Variants in PCDHGB3 observed in about 807,000 individuals in gnomAD.
PCDHGB3 encodes protocadherin gamma subfamily B, 3, also known as protocadherin gamma-B3.
In PCDHGB3, 40 loss-of-function variants were observed where a neutral mutation model predicts 59.2. The ratio of observed to expected loss-of-function variants is 0.68; its 90% CI spans 0.52 to 0.88. The LOEUF is 0.88. Among genes scored for constraint, PCDHGB3 ranks in the 40% least tolerant of loss-of-function variants. The pLI is 0.00. For missense variants in PCDHGB3, 1,309 were observed against 1,187.9 expected (o/e 1.10, Z -1.50); for synonymous variants, 581 against 503.6 (o/e 1.15, Z -2.06).
chr5:141,437,116 GA>G (rs914218907), intron 1 of PCDHGB3, among the ~76,000 whole-genome samples: 4 of 152,150 alleles, frequency 2.6e-5, no homozygotes, highest in African/African-American at 9.7e-5. Flanking sequence ...GGATTTTTAG[GA>G]CACTTGTTGA....
At chr5:141,451,610 G>T (rs184745360) in intron 1 of PCDHGB3, among the ~76,000 whole-genome samples, 60 of 152,298 alleles carry the variant, frequency 3.9e-4, no homozygotes, top group African/African-American at 1.3e-3. Context: ...GGCTAGGCAT[G>T]GTGGCTCAAA....
intron 1 of PCDHGB3, chr5:141,390,043 C>A (rs1022492557): frequency 1.9e-6 from 3 of 1,613,946 alleles, no homozygotes; most frequent in Non-Finnish European, 2.5e-6. Context: ...TCCAGCCCCG[C>A]CTCCTGGAGC....
chr5:141,466,344 T>G (rs1036472951), intron 1 of PCDHGB3, among the ~76,000 whole-genome samples: 5 of 152,106 alleles, frequency 3.3e-5, no homozygotes, highest in African/African-American at 4.8e-5. Flanking sequence ...ATAATTTTTT[T>G]GCAGCTAATC....
intron 1 of PCDHGB3, chr5:141,398,829 C>T (rs1020690994): frequency 3.1e-6 from 5 of 1,613,876 alleles, no homozygotes; most frequent in African/African-American, 2.7e-5. Context: ...AGGTAACCGA[C>T]GCCAATGATA....
chr5:141,418,945 A>G, intron 1 of PCDHGB3: 3 of 1,614,062 alleles, frequency 1.9e-6, no homozygotes, highest in Non-Finnish European at 2.5e-6. Flanking sequence ...ATTCCCCTCC[A>G]GGAGTGGTTG....
intron 1 of PCDHGB3, among the ~76,000 whole-genome samples, chr5:141,380,254 G>T (rs572849105): frequency 6.6e-6 from 1 of 152,270 alleles, no homozygotes; most frequent in Non-Finnish European, 1.5e-5. Flanking sequence ...TGTCAAAGGG[G>T]AAGGAGTAAA....
At chr5:141,377,813 T>C (rs1254239547) in intron 1 of PCDHGB3, 2 of 152,194 alleles carry the variant, frequency 1.3e-5, no homozygotes, top group African/African-American at 2.4e-5. Flanking sequence ...TGTTATTTAC[T>C]TGGGCCAGTT....
At chr5:141,472,347 C>G (rs992566469) in intron 1 of PCDHGB3, among the ~76,000 whole-genome samples, 11 of 152,028 alleles carry the variant, frequency 7.2e-5, no homozygotes, top group Non-Finnish European at 1.2e-4. Context: ...CGAGACCATC[C>G]TGGCTAACAC....
intron 1 of PCDHGB3, chr5:141,475,890 G>C: frequency 1.8e-6 from 1 of 565,896 alleles, no homozygotes; most frequent in South Asian, 2.3e-5. Flanking sequence ...CTGGGACTCT[G>C]TGTGCCGCTG....
chr5:141,448,426 T>C (rs892222815), intron 1 of PCDHGB3, among the ~76,000 whole-genome samples: 1 of 152,164 alleles, frequency 6.6e-6, no homozygotes, highest in Non-Finnish European at 1.5e-5. Context: ...ATACTATGTA[T>C]ATATTGAGAA....
chr5:141,393,484 G>A, intron 1 of PCDHGB3: 1 of 1,614,058 alleles, frequency 6.2e-7, no homozygotes, highest in Non-Finnish European at 8.5e-7. Context: ...CCTCGCTCTA[G>A]CACAGTGCGC....
At chr5:141,482,611 G>A (rs1016481108) in intron 1 of PCDHGB3, among the ~76,000 whole-genome samples, 3 of 150,398 alleles carry the variant, frequency 2.0e-5, no homozygotes, top group African/African-American at 7.4e-5. Context: ...ACACCTAAAT[G>A]AGCCTGGAGA....
At chr5:141,492,312 C>T (rs1470136040) in intron 1 of PCDHGB3, among the ~76,000 whole-genome samples, 2 of 152,348 alleles carry the variant, frequency 1.3e-5, no homozygotes, top group African/African-American at 4.8e-5. Flanking sequence ...CGCACGCACT[C>T]CTCGCACGTG....
chr5:141,389,144 T>C, intron 1 of PCDHGB3: 1 of 1,614,020 alleles, frequency 6.2e-7, no homozygotes, highest in Non-Finnish European at 8.5e-7. Flanking sequence ...ATATAACCGT[T>C]ACGGCAACAG....
intron 1 of PCDHGB3, chr5:141,389,279 T>C: frequency 6.2e-7 from 1 of 1,614,016 alleles, no homozygotes; most frequent in Non-Finnish European, 8.5e-7. Context: ...ACAACCCGCC[T>C]GGAGCCTCTA....
chr5:141,419,945 T>C (rs2096451536), intron 1 of PCDHGB3: 4 of 1,614,088 alleles, frequency 2.5e-6, no homozygotes, highest in Middle Eastern at 1.6e-4. Context: ...GGTGGTGGCC[T>C]TGGCCTTGAT....
chr5:141,414,684 AC>A (rs1561750824), intron 1 of PCDHGB3: 1 of 1,613,924 alleles, frequency 6.2e-7, no homozygotes, highest in Admixed American at 1.7e-5. Flanking sequence ...TCCAGGGGGT[AC>A]CTCTGTCCTC....
chr5:141,375,579 C>T (rs754106042), intron 1 of PCDHGB3: 6 of 1,613,996 alleles, frequency 3.7e-6, no homozygotes, highest in African/African-American at 2.7e-5. Context: ...CTCCAGGGGG[C>T]GCCCCTGTCC....
chr5:141,477,504 A>T lies in PCDHGB3; in HGVS notation c.2416-17303A>T, dbSNP rs1396003792. Reference sequence around the variant, plus strand: ...CCACAATCTTCTCAATCTTCCTACGACGTTTACATTGAAGAAAACAACCTC... The same window carrying T: ...CCACAATCTTCTCAATCTTCCTACGTCGTTTACATTGAAGAAAACAACCTC... On this transcript the variant is annotated intron_variant, in intron 1 of 3. Coordinates refer to ENST00000576222, the MANE Select transcript of PCDHGB3 (RefSeq NM_018924.5). This position sits in a 1 kb window ranked among gnomAD's most constrained non-coding sequence, Gnocchi z 4.9. The T allele has an allele frequency of 4.3e-6, 7 of 1,613,982 alleles. No homozygotes were observed. In the Admixed American group the frequency reaches 8.3e-5, roughly 19 times the overall value.
Sources: allele counts gnomAD v4.1 joint callset (sites outside exome capture counted in the v4.1 genomes callset), GRCh38; gene constraint gnomAD v4.1.1; non-coding constraint Gnocchi (gnomAD v3.1); transcripts MANE v1.5; gene names NCBI Gene and HGNC (gene_info 2026-07-23, HGNC 2026-07-21).